Variants in ASIC2 observed in about 807,000 individuals in gnomAD.
ASIC2 encodes acid sensing ion channel subunit 2.
A neutral mutation model predicts 57.3 loss-of-function variants in ASIC2; 25 were observed. The ratio of observed to expected loss-of-function variants is 0.44; its 90% CI spans 0.32 to 0.61. The LOEUF (loss-of-function observed/expected upper bound fraction) is 0.61, where lower values mean the gene tolerates loss of function less well. ASIC2 is among the 20% of genes least tolerant of loss of function. The probability of loss-of-function intolerance (pLI) is 0.06; values close to 1 mark genes in which losing one functional copy is unlikely to be tolerated. For missense variants in ASIC2, 641 were observed against 738.1 expected (o/e 0.87, Z 1.52); for synonymous variants, 319 against 307.5 (o/e 1.04, Z -0.39).
chr17:33,448,168 C>T (rs950542117), intron 1 of ASIC2, among the ~76,000 whole-genome samples: 5 of 152,196 alleles, frequency 3.3e-5, no homozygotes, highest in South Asian at 2.1e-4. Flanking sequence ...TTGCCTCCTA[C>T]GTCTCTTTAT....
At chr17:33,110,372 C>T (rs2092252328) in intron 2 of ASIC2, among the ~76,000 whole-genome samples, 1 of 152,096 alleles carries the variant, frequency 6.6e-6, no homozygotes, top group African/African-American at 2.4e-5. Context: ...TCAGGGATGC[C>T]AGAGATCAGA....
At chr17:33,106,908 A>G (rs2092237081) in intron 2 of ASIC2, among the ~76,000 whole-genome samples, 1 of 152,186 alleles carries the variant, frequency 6.6e-6, no homozygotes, top group South Asian at 2.1e-4. Context: ...ACAGAATGAA[A>G]AGAATTCAGA....
intron 1 of ASIC2, among the ~76,000 whole-genome samples, chr17:33,881,427 A>C (rs1468652482): frequency 1.3e-5 from 2 of 152,212 alleles, no homozygotes; most frequent in Non-Finnish European, 2.9e-5. Context: ...AGGATACAAA[A>C]TCAATGTGCA....
rs1270667536 is a variant in ASIC2 at position 33,291,993 on chromosome 17, GC to G, written c.122del (p.Gly41AlafsTer21). On this transcript the variant is annotated frameshift_variant, in exon 1 of 10. Coordinates refer to ENST00000225823, the MANE Select transcript of ASIC2 (RefSeq NM_183377.2). LOFTEE classifies it high-confidence loss of function. The stretch of plus-strand genomic sequence containing the variant: ...CCTGCAGCGCCCGCTCGCCGCCTCT[GC>G]CGCCCCCGGGCTGCCCGGCAGCCGC... Reference protein sequence around the residue: ...ALAAAGQPGGGRGGERALQGP... With the variant: ...ALAAAGQPGGXRGGERALQGP... The G allele has an allele frequency of 1.6e-6, 2 of 1,275,010 alleles. No individual in the cohort carries two copies. The highest frequency in any genetic ancestry group is 2.0e-6 in the Non-Finnish European group (2 of 1,019,924). 79.0% of individuals were successfully genotyped at this position (1,275,010 alleles called of 1,614,324 possible).
intron 1 of ASIC2, among the ~76,000 whole-genome samples, chr17:33,528,124 G>A (rs1914939756): frequency 7.0e-6 from 1 of 142,248 alleles, no homozygotes; most frequent in African/African-American, 2.5e-5. Flanking sequence ...GGAGGTGGCA[G>A]GGAGGATTCA....
intron 1 of ASIC2, among the ~76,000 whole-genome samples, chr17:33,950,407 C>T (rs1468989090): frequency 6.6e-6 from 1 of 152,230 alleles, no homozygotes; most frequent in Non-Finnish European, 1.5e-5. Context: ...GACCACGTTC[C>T]CTCAGCCAAT....
chr17:33,709,428 G>T (rs1567695217), intron 1 of ASIC2, among the ~76,000 whole-genome samples: 1 of 152,206 alleles, frequency 6.6e-6, no homozygotes, highest in African/African-American at 2.4e-5. Flanking sequence ...TGTACTCACA[G>T]GTGGCCTTTC....
intron 1 of ASIC2, among the ~76,000 whole-genome samples, chr17:33,234,083 G>T (rs1351089639): frequency 2.0e-5 from 3 of 152,222 alleles, no homozygotes; most frequent in African/African-American, 7.2e-5. Flanking sequence ...TCTTCTCTAA[G>T]GCTGAGACAA....
chr17:33,313,115 C>T (rs1319985539), intron 1 of ASIC2, among the ~76,000 whole-genome samples: 2 of 151,934 alleles, frequency 1.3e-5, no homozygotes, highest in East Asian at 1.9e-4. Context: ...CAAGACCAGC[C>T]TGGGCAATGC....
At chr17:33,476,242 GACC>G (rs1913215050) in intron 1 of ASIC2, among the ~76,000 whole-genome samples, 1 of 152,040 alleles carries the variant, frequency 6.6e-6, no homozygotes. Context: ...AGGAATACGT[GACC>G]ACCATCACTG....
chr17:33,209,335 G>A (rs893180640), intron 1 of ASIC2, among the ~76,000 whole-genome samples: 5 of 152,084 alleles, frequency 3.3e-5, no homozygotes, highest in African/African-American at 1.2e-4. Flanking sequence ...CTATAGGTCA[G>A]CCATACAAAT....
chr17:33,515,536 C>T (rs1056123941), intron 1 of ASIC2, among the ~76,000 whole-genome samples: 2 of 152,228 alleles, frequency 1.3e-5, no homozygotes, highest in African/African-American at 4.8e-5. Flanking sequence ...ACTCAAGACA[C>T]GGAATGTGAA....
intron 1 of ASIC2, among the ~76,000 whole-genome samples, chr17:33,747,049 C>T (rs1268182507): frequency 6.6e-6 from 1 of 152,046 alleles, no homozygotes; most frequent in Admixed American, 6.5e-5. Context: ...CTCTGTGAAA[C>T]GGGTAACATA....
chr17:34,111,121 G>A (rs1021748262), intron 1 of ASIC2, among the ~76,000 whole-genome samples: 2 of 151,972 alleles, frequency 1.3e-5, no homozygotes, highest in African/African-American at 4.8e-5. Context: ...AGCTACTCAG[G>A]AGGCTGAGGC....
intron 1 of ASIC2, among the ~76,000 whole-genome samples, chr17:33,262,054 A>C (rs1403244358): frequency 6.6e-6 from 1 of 152,198 alleles, no homozygotes; most frequent in Non-Finnish European, 1.5e-5. Flanking sequence ...CCGGGTTGTC[A>C]GGCTGGGGAC....
At chr17:33,740,179 A>G (rs1910065277) in intron 1 of ASIC2, among the ~76,000 whole-genome samples, 1 of 152,228 alleles carries the variant, frequency 6.6e-6, no homozygotes. Context: ...AAGTAGGTTT[A>G]TGGCAGATGA....
At chr17:33,789,502 A>G (rs2142135205) in intron 1 of ASIC2, among the ~76,000 whole-genome samples, 1 of 150,364 alleles carries the variant, frequency 6.7e-6, no homozygotes, top group East Asian at 2.0e-4. Flanking sequence ...ACACACACAC[A>G]CGTGCAGCAT....
At position 33,097,194 on chromosome 17, in the gene ASIC2, G is replaced by T. The variant is rs561467986; in HGVS notation, c.860-8204C>A. Among the ~76,000 whole-genome samples, 4 of 152,274 alleles carry T rather than the reference G, an allele frequency of 2.6e-5. No homozygotes were observed. The South Asian group carries it at 8.3e-4, about 32-fold the overall frequency. On this transcript the variant is annotated intron_variant, in intron 2 of 9. Coordinates refer to ENST00000225823, the MANE Select transcript of ASIC2 (RefSeq NM_183377.2). Reference sequence around the variant, plus strand: ...ATTGGTTTGGGTCCTTTGGGGCTTTGCAGGCTGGGACCCTGAGCTGCTGAG... The same window carrying T: ...ATTGGTTTGGGTCCTTTGGGGCTTTTCAGGCTGGGACCCTGAGCTGCTGAG...
chr17:33,700,195 A>G (rs536939770), intron 1 of ASIC2, among the ~76,000 whole-genome samples: 186 of 152,240 alleles, frequency 1.2e-3, no homozygotes, highest in African/African-American at 4.4e-3. Context: ...CCCTTGGTAA[A>G]TGGTTAGAAT....
Sources: allele counts gnomAD v4.1 joint callset (sites outside exome capture counted in the v4.1 genomes callset), GRCh38; gene constraint gnomAD v4.1.1; transcripts MANE v1.5; gene names NCBI Gene and HGNC (gene_info 2026-07-23, HGNC 2026-07-21).